ITGA9: variants seen among roughly 807,000 people sequenced by gnomAD.
ITGA9 encodes integrin alpha-9.
ITGA9 carries 56 observed loss-of-function variants against 127.8 expected under a neutral mutation model. That is an observed-to-expected ratio of 0.44 (90% CI 0.35 to 0.55). The LOEUF (loss-of-function observed/expected upper bound fraction) is 0.55, where lower values mean the gene tolerates loss of function less well. ITGA9 is among the 20% of genes least tolerant of loss of function. The pLI, the probability that ITGA9 is intolerant of heterozygous loss-of-function variation, is 0.00. For missense variants in ITGA9, 1,196 were observed against 1,347.1 expected (o/e 0.89, Z 1.76); for synonymous variants, 508 against 514.5 (o/e 0.99, Z 0.17).
intron 18 of ITGA9, among the ~76,000 whole-genome samples, chr3:37,693,330 G>A (rs1236005403): frequency 3.9e-5 from 6 of 152,156 alleles, no homozygotes; most frequent in Non-Finnish European, 8.8e-5. Flanking sequence ...AGTATAATTT[G>A]AGTTCCAAAT....
intron 15 of ITGA9, among the ~76,000 whole-genome samples, chr3:37,577,656 G>A (rs1375741697): frequency 6.6e-6 from 1 of 152,222 alleles, no homozygotes; most frequent in African/African-American, 2.4e-5. Context: ...AGAAACTTCT[G>A]AACTGTTTTT....
intron 19 of ITGA9, among the ~76,000 whole-genome samples, chr3:37,735,535 A>G (rs1479945945): frequency 6.6e-6 from 1 of 152,248 alleles, no homozygotes; most frequent in Non-Finnish European, 1.5e-5. Flanking sequence ...TAGACATTGT[A>G]TAAGTTATAG....
At position 37,542,601 on chromosome 3, in the gene ITGA9, C is replaced by T. The variant is rs775302152; in HGVS notation, c.1689+16C>T. 8 of 1,613,560 alleles carry T rather than the reference C, an allele frequency of 5.0e-6. No homozygotes were observed. In the African/African-American group the frequency reaches 1.1e-4, roughly 22 times the overall value. Reference sequence around the variant, plus strand: ...CCATGTGAAGGTCAGTCCTCTCCTCCTTTTTATCCTCAAACTTTGATCTCT... The same window carrying T: ...CCATGTGAAGGTCAGTCCTCTCCTCTTTTTTATCCTCAAACTTTGATCTCT... On this transcript the variant is annotated intron_variant, in intron 15 of 27. Transcript: ENST00000264741.
At chr3:37,706,190 A>G (rs574171800) in intron 18 of ITGA9, among the ~76,000 whole-genome samples, 2 of 152,302 alleles carry the variant, frequency 1.3e-5, no homozygotes, top group South Asian at 2.1e-4. Flanking sequence ...AGTCAGCTCC[A>G]GGAGGACCCC....
intron 19 of ITGA9, among the ~76,000 whole-genome samples, chr3:37,735,914 G>T (rs1280420566): frequency 3.9e-5 from 6 of 152,188 alleles, no homozygotes; most frequent in African/African-American, 7.2e-5. Context: ...CCTGGGCTGG[G>T]TGGTTTAAAC....
chr3:37,733,405 A>G (rs1398413578), intron 19 of ITGA9, among the ~76,000 whole-genome samples: 8 of 151,568 alleles, frequency 5.3e-5, no homozygotes, highest in Non-Finnish European at 1.2e-4. Flanking sequence ...ATACAAACAT[A>G]GGTAAAAAGA....
intron 12 of ITGA9, 85 bp downstream of exon 12, chr3:37,523,696 T>C: frequency 2.1e-6 from 2 of 959,178 alleles, no homozygotes; most frequent in South Asian, 1.3e-5. Flanking sequence ...TTAGCAATCA[T>C]CACATCCATT....
chr3:37,689,957 A>T (rs1297629251), intron 18 of ITGA9, among the ~76,000 whole-genome samples: 1 of 152,344 alleles, frequency 6.6e-6, no homozygotes, highest in Non-Finnish European at 1.5e-5. Flanking sequence ...GGCCAAAGGC[A>T]TGTCAGTAAG....
intron 8 of ITGA9, among the ~76,000 whole-genome samples, chr3:37,511,977 T>A (rs1390076038): frequency 3.5e-4 from 5 of 14,326 alleles, no homozygotes; most frequent in Non-Finnish European, 6.8e-4. Flanking sequence ...TCTTTTCTTT[T>A]CTTTTCTTTT....
chr3:37,778,390 G>C (rs536604336), intron 24 of ITGA9, among the ~76,000 whole-genome samples: 175 of 152,166 alleles, frequency 1.2e-3, no homozygotes, highest in Middle Eastern at 6.8e-3. Flanking sequence ...AGGCTGAGGG[G>C]GTGGATCACC....
intron 15 of ITGA9, among the ~76,000 whole-genome samples, chr3:37,615,415 G>A (rs1405218644): frequency 6.6e-6 from 1 of 152,174 alleles, no homozygotes; most frequent in African/African-American, 2.4e-5. Context: ...AGGGATACTG[G>A]TCTAAAATTC....
At chr3:37,710,441 C>T (rs549860215) in intron 18 of ITGA9, among the ~76,000 whole-genome samples, 5 of 151,800 alleles carry the variant, frequency 3.3e-5, no homozygotes, top group Non-Finnish European at 7.4e-5. Context: ...TAAAAGATAA[C>T]GTCGGAGGAT....
intron 1 of ITGA9, among the ~76,000 whole-genome samples, chr3:37,454,366 G>A (rs567709303): frequency 2.6e-5 from 4 of 152,256 alleles, no homozygotes; most frequent in Non-Finnish European, 5.9e-5. Context: ...GATTTAAAAC[G>A]GGGATGAAGA....
At chr3:37,568,529 T>C (rs1002385701) in intron 15 of ITGA9, among the ~76,000 whole-genome samples, 2 of 152,224 alleles carry the variant, frequency 1.3e-5, no homozygotes, top group African/African-American at 4.8e-5. Flanking sequence ...CCACAAATTT[T>C]CCAAACTTTA....
intron 17 of ITGA9, among the ~76,000 whole-genome samples, chr3:37,663,042 CT>C (rs1700552920): frequency 1.3e-5 from 2 of 152,200 alleles, no homozygotes; most frequent in African/African-American, 4.8e-5. Flanking sequence ...CCTGTGATCT[CT>C]TAAAACAATC....
At chr3:37,605,367 T>A (rs1699958625) in intron 15 of ITGA9, among the ~76,000 whole-genome samples, 1 of 152,092 alleles carries the variant, frequency 6.6e-6, no homozygotes, top group African/African-American at 2.4e-5. Flanking sequence ...GGGGATGTGG[T>A]TTTACTTGTA....
chr3:37,518,093 C>CGCGTGTGTGTGTGTGTGTGTGT (rs368577036), intron 10 of ITGA9, among the ~76,000 whole-genome samples: 3 of 144,100 alleles, frequency 2.1e-5, no homozygotes, highest in African/African-American at 7.7e-5. Flanking sequence ...AGAGTGTACG[C>CGCGTGTGTGTGTGTGTGTGTGT]GTGTGTGTGT....
intron 23 of ITGA9, among the ~76,000 whole-genome samples, chr3:37,758,098 T>A (rs963990975): frequency 6.8e-6 from 1 of 146,452 alleles, no homozygotes; most frequent in Non-Finnish European, 1.5e-5. Flanking sequence ...CCGAGGCGGG[T>A]GGATCATGAG....
At chr3:37,768,876 G>A (rs1294928084) in intron 23 of ITGA9, among the ~76,000 whole-genome samples, 2 of 151,704 alleles carry the variant, frequency 1.3e-5, no homozygotes, top group Admixed American at 1.3e-4. Flanking sequence ...TTGTTCCTCT[G>A]CTAATTTAAT....
Sources: allele counts gnomAD v4.1 joint callset (sites outside exome capture counted in the v4.1 genomes callset), GRCh38; gene constraint gnomAD v4.1.1; transcripts MANE v1.5; gene names NCBI Gene and HGNC (gene_info 2026-07-23, HGNC 2026-07-21).